Variants in ALPK1 observed in about 807,000 individuals in gnomAD.
ALPK1 encodes alpha kinase 1, also known as alpha-protein kinase 1.
Under a neutral mutation model 120.6 loss-of-function variants are expected in ALPK1, and 110 were observed. That is an observed-to-expected ratio of 0.91 (90% CI 0.78 to 1.07). The LOEUF is 1.07. Ranked by LOEUF, ALPK1 falls within the 50% of genes least tolerant of loss-of-function variation. ALPK1 has a pLI of 0.00. For missense variants in ALPK1, 1,498 were observed against 1,483.9 expected, an observed-to-expected ratio of 1.01 and a Z score of -0.16; for synonymous variants, 582 against 560.3, an observed-to-expected ratio of 1.04 and a Z score of -0.55.
At position 112,432,377 on chromosome 4, in the gene ALPK1, G is replaced by A. The variant is rs776274452; in HGVS notation, c.2830G>A (p.Gly944Arg). ...TGCATTTTCCAGTGGTTCTTCTGAG[G>A]GGGACAGCCCTTGGTCCTATCTGAA... ...SPAFSSGSSE[G>R]DSPWSYLNSS... The change falls in exon 11 of 16, where the codon GGG becomes AGG. Residue 944 changes from glycine (G) to arginine (R), a missense_variant. Transcript: ENST00000650871. 2 of 1,614,144 alleles carry A rather than the reference G, an allele frequency of 1.2e-6. No homozygotes were observed. Among genetic ancestry groups the A allele is most frequent in the South Asian group, 1.1e-5 (1 of 91,076 alleles).
chr4:112,414,041 A>G (rs545998369), intron 5 of ALPK1, among the ~76,000 whole-genome samples: 2 of 152,292 alleles, frequency 1.3e-5, no homozygotes, highest in South Asian at 4.1e-4. Flanking sequence ...GGTGTCTCAG[A>G]GAGAGAGAAG....
At chr4:112,398,767 G>A (rs553082962) in intron 4 of ALPK1, among the ~76,000 whole-genome samples, 45 of 152,292 alleles carry the variant, frequency 3.0e-4, no homozygotes, top group African/African-American at 8.9e-4. Context: ...TAACAGTGGC[G>A]TGGACTAAAG....
At chr4:112,352,541 A>C (rs139484017) in intron 2 of ALPK1, 127 of 152,320 alleles carry the variant, frequency 8.3e-4, no homozygotes, top group African/African-American at 3.0e-3. Context: ...CATAACTTTA[A>C]ATAATCTCTA....
intron 4 of ALPK1, among the ~76,000 whole-genome samples, chr4:112,405,428 G>A (rs1733121928): frequency 6.6e-6 from 1 of 151,988 alleles, no homozygotes; most frequent in Admixed American, 6.6e-5. Context: ...TATATAACAA[G>A]ATCACTCTTT....
At chr4:112,362,100 C>T (rs115391993) in intron 2 of ALPK1, among the ~76,000 whole-genome samples, 276 of 152,296 alleles carry the variant, frequency 1.8e-3, no homozygotes, top group African/African-American at 6.3e-3. Flanking sequence ...GATCTGAGTC[C>T]TAGATCCTCC....
chr4:112,404,931 AC>A (rs1020334352), intron 4 of ALPK1, among the ~76,000 whole-genome samples: 20 of 152,112 alleles, frequency 1.3e-4, no homozygotes, highest in African/African-American at 4.8e-4. Context: ...TGAATACTCC[AC>A]CCCATGCCCT....
intron 3 of ALPK1, among the ~76,000 whole-genome samples, chr4:112,379,639 G>C (rs1731817907): frequency 6.6e-6 from 1 of 152,230 alleles, no homozygotes; most frequent in Non-Finnish European, 1.5e-5. Flanking sequence ...AAAGGCATTA[G>C]TACAGGGTCA....
At chr4:112,308,555 G>T (rs1273989763) in intron 1 of ALPK1, among the ~76,000 whole-genome samples, 1 of 151,962 alleles carries the variant, frequency 6.6e-6, no homozygotes, top group Non-Finnish European at 1.5e-5. Flanking sequence ...ACTGAAACTT[G>T]TGCATTCATC....
rs1731092286 is a variant in ALPK1, at chr4:112,365,267, C to T, written c.-100-12411C>T. 2.6e-5 allele frequency among the ~76,000 whole-genome samples: 4 copies of T among 152,304 alleles called. No homozygotes were observed. In the South Asian group the frequency reaches 8.3e-4, roughly 32 times the overall value. ...GTTGGTAATGAGGAAGTCAAACTGT[C>T]ACTGTCTGTTGATGACATGATTGTA... On this transcript the variant is annotated intron_variant, in intron 2 of 15. Transcript: ENST00000650871.
In ALPK1 at chr4:112,301,405, G is replaced by A. The variant is rs139547228; in HGVS notation, c.-153+3936G>A. ...AAACTTGGTTTAGGCTTCTGAAGGC[G>A]CAGCTTGCCAGGGCAGCTCAGCAAC... On this transcript the variant is annotated intron_variant, in intron 1 of 15. Coordinates refer to ENST00000650871, the MANE Select transcript of ALPK1 (RefSeq NM_025144.4). 4.3e-3 allele frequency among the ~76,000 whole-genome samples: 661 copies of A among 152,228 alleles called. 6 individuals are homozygous for A. Among genetic ancestry groups the A allele is most frequent in the African/African-American group, 0.014 (590 of 41,530 alleles).
At chr4:112,411,242 T>C (rs1415567109) in intron 4 of ALPK1, among the ~76,000 whole-genome samples, 1 of 152,236 alleles carries the variant, frequency 6.6e-6, no homozygotes, top group East Asian at 1.9e-4. Flanking sequence ...TTGTTGTTGT[T>C]GAGACGGAGT....
At chr4:112,316,828 T>C (rs192848421) in intron 2 of ALPK1, among the ~76,000 whole-genome samples, 193 of 152,154 alleles carry the variant, frequency 1.3e-3, no homozygotes, top group Non-Finnish European at 2.3e-3. Context: ...GTCTGCTTTA[T>C]TCCACTACAT....
intron 1 of ALPK1, among the ~76,000 whole-genome samples, chr4:112,312,213 C>G (rs1475651021): frequency 2.0e-5 from 3 of 151,946 alleles, no homozygotes; most frequent in Non-Finnish European, 4.4e-5. Flanking sequence ...TATTATTTTT[C>G]TCCAAAATTT....
At chr4:112,347,700 TC>T (rs1219177061) in intron 2 of ALPK1, among the ~76,000 whole-genome samples, 1 of 152,232 alleles carries the variant, frequency 6.6e-6, no homozygotes, top group African/African-American at 2.4e-5. Flanking sequence ...CAACAGATAT[TC>T]AGTAAATGCT....
At chr4:112,321,822 A>G (rs999349984) in intron 2 of ALPK1, among the ~76,000 whole-genome samples, 1 of 152,210 alleles carries the variant, frequency 6.6e-6, no homozygotes, top group African/African-American at 2.4e-5. Flanking sequence ...TTAATGTTCC[A>G]CAAAATTTTC....
At chr4:112,306,918 T>G (rs1212164825) in intron 1 of ALPK1, among the ~76,000 whole-genome samples, 2 of 152,160 alleles carry the variant, frequency 1.3e-5, no homozygotes, top group East Asian at 1.9e-4. Context: ...ACACTCTACT[T>G]TAAATGTGTC....
At chr4:112,430,418 A>G (rs779410951) in intron 10 of ALPK1, 30 bp from the exon 11 acceptor site, 2 of 1,525,942 alleles carry the variant, frequency 1.3e-6, no homozygotes, top group Non-Finnish European at 1.8e-6. Flanking sequence ...TCAATTCAAT[A>G]TCTGATTTGG....
intron 9 of ALPK1, among the ~76,000 whole-genome samples, chr4:112,428,782 T>C (rs1177878935): frequency 6.6e-6 from 1 of 152,228 alleles, no homozygotes; most frequent in Non-Finnish European, 1.5e-5. Context: ...TCTATACGTA[T>C]TTACAGAATT....
intron 2 of ALPK1, chr4:112,343,367 A>C (rs898681852): frequency 1.3e-5 from 2 of 152,090 alleles, no homozygotes; most frequent in Non-Finnish European, 2.9e-5. Context: ...TATGAAGGAG[A>C]GTGTTTTGGG....
Sources: allele counts gnomAD v4.1 joint callset (sites outside exome capture counted in the v4.1 genomes callset), GRCh38; gene constraint gnomAD v4.1.1; transcripts MANE v1.5; gene names NCBI Gene and HGNC (gene_info 2026-07-23, HGNC 2026-07-21).